The following LOC128092252 variants were observed in gnomAD, a reference collection of about 807,000 sequenced individuals.
chr15:50,662,856 A>G, the LOC128092252 span: 5 of 786,114 alleles, frequency 6.4e-6, no homozygotes, highest in Admixed American at 1.4e-4. Context: ...ATAAAAAGTA[A>G]CAGTAAGTAC....
chr15:50,675,899 TA>T, the LOC128092252 span, among the ~76,000 whole-genome samples: 1 of 152,212 alleles, frequency 6.6e-6, no homozygotes, highest in African/African-American at 2.4e-5. Context: ...TGGTCTGAGT[TA>T]GGATCCCAGC....
chr15:50,684,587 G>A, the LOC128092252 span, among the ~76,000 whole-genome samples: 1 of 151,894 alleles, frequency 6.6e-6, no homozygotes, highest in African/African-American at 2.4e-5. Context: ...GCTGCAGTCA[G>A]CCGAGATCGC....
chr15:50,662,563 T>C, the LOC128092252 span, among the ~76,000 whole-genome samples: 1 of 152,210 alleles, frequency 6.6e-6, no homozygotes, highest in South Asian at 2.1e-4. Context: ...ATTAGGTTCA[T>C]ATTGCTTTCT....
the LOC128092252 span, among the ~76,000 whole-genome samples, chr15:50,670,039 A>G: frequency 6.6e-6 from 1 of 152,334 alleles, no homozygotes; most frequent in Middle Eastern, 3.4e-3. Context: ...TCTTTCAGAT[A>G]TCATGTTTTG....
the LOC128092252 span, chr15:50,663,043 G>A: frequency 2.5e-6 from 4 of 1,611,792 alleles, no homozygotes; most frequent in Non-Finnish European, 3.4e-6. Context: ...CAGGATTTCT[G>A]GGACTAAAAC....
chr15:50,660,091 T>C, the LOC128092252 span, among the ~76,000 whole-genome samples: 14 of 152,218 alleles, frequency 9.2e-5, no homozygotes, highest in Non-Finnish European at 2.1e-4. Flanking sequence ...TGAATAGCCA[T>C]GTGACTTGGG....
At chr15:50,679,534 A>AT in the LOC128092252 span, among the ~76,000 whole-genome samples, 41 of 57,644 alleles carry the variant, frequency 7.1e-4, no homozygotes, top group African/African-American at 3.5e-3. Flanking sequence ...ATATATATAT[A>AT]TATATTTTTT....
chr15:50,650,744 T>C, the LOC128092252 span, among the ~76,000 whole-genome samples: 2 of 151,652 alleles, frequency 1.3e-5, no homozygotes, highest in Non-Finnish European at 2.9e-5. Flanking sequence ...GCCCATGCCC[T>C]GACAAAGTTT....
the LOC128092252 span, among the ~76,000 whole-genome samples, chr15:50,666,703 G>C: frequency 6.6e-6 from 1 of 151,934 alleles, no homozygotes; most frequent in Non-Finnish European, 1.5e-5. Context: ...TTGGAAGGCT[G>C]AGGCAGGAGA....
chr15:50,683,625 G>A, the LOC128092252 span, among the ~76,000 whole-genome samples: 4 of 152,084 alleles, frequency 2.6e-5, no homozygotes, highest in South Asian at 6.2e-4. Flanking sequence ...TCCCAGCTTC[G>A]GGAGGCTGGG....
chr15:50,679,513 T>A, the LOC128092252 span, among the ~76,000 whole-genome samples: 1 of 61,878 alleles, frequency 1.6e-5, no homozygotes, highest in Admixed American at 2.2e-4. Context: ...ATATATATAA[T>A]ATATATATAT....
At chr15:50,657,714 CAT>C in the LOC128092252 span, 4 of 1,385,368 alleles carry the variant, frequency 2.9e-6, no homozygotes, top group Non-Finnish European at 4.1e-6. Context: ...TGTTCTAACT[CAT>C]ATTTCTAATA....
the LOC128092252 span, among the ~76,000 whole-genome samples, chr15:50,669,608 T>C: frequency 1.3e-5 from 2 of 152,216 alleles, no homozygotes; most frequent in Non-Finnish European, 2.9e-5. Flanking sequence ...GGTCATACTA[T>C]AACTTGTCTT....
the LOC128092252 span, among the ~76,000 whole-genome samples, chr15:50,669,119 A>C: frequency 6.6e-6 from 1 of 152,126 alleles, no homozygotes; most frequent in African/African-American, 2.4e-5. Context: ...AAGGTATTTG[A>C]GGGTACAAAC....
At chr15:50,663,910 C>T in the LOC128092252 span, among the ~76,000 whole-genome samples, 1 of 151,940 alleles carries the variant, frequency 6.6e-6, no homozygotes, top group Non-Finnish European at 1.5e-5. Context: ...ATGCAGTCAG[C>T]CATGATCAGG....
chr15:50,679,955 A>G, the LOC128092252 span, among the ~76,000 whole-genome samples: 1 of 151,910 alleles, frequency 6.6e-6, no homozygotes, highest in Non-Finnish European at 1.5e-5. Flanking sequence ...AAAATGCATG[A>G]CCGGGCGGTG....
At chr15:50,679,757 A>G in the LOC128092252 span, among the ~76,000 whole-genome samples, 1 of 149,326 alleles carries the variant, frequency 6.7e-6, no homozygotes. Flanking sequence ...CTGGTCTCAA[A>G]CTCCTAGCTT....
At chr15:50,652,654 TCG>T in the LOC128092252 span, among the ~76,000 whole-genome samples, 2 of 104,676 alleles carry the variant, frequency 1.9e-5, no homozygotes, top group South Asian at 6.3e-4. Flanking sequence ...TCCAAAAAAA[TCG>T]TTTAAGTGGG....
chr15:50,684,573 G>A, the LOC128092252 span, among the ~76,000 whole-genome samples: 6 of 151,960 alleles, frequency 3.9e-5, no homozygotes, highest in East Asian at 1.9e-4. Flanking sequence ...CCCAGGAGGC[G>A]GAGGCTGCAG....
Sources: allele counts gnomAD v4.1 joint callset (sites outside exome capture counted in the v4.1 genomes callset), GRCh38; gene constraint gnomAD v4.1.1; transcripts MANE v1.5.